The following RABGAP1L variants were observed in gnomAD, a reference collection of about 807,000 sequenced individuals.
RABGAP1L encodes the protein rab GTPase-activating protein 1-like.
RABGAP1L carries 63 observed loss-of-function variants against 137.7 expected under a neutral mutation model. The observed-to-expected ratio is 0.46, with a 90% CI of 0.37 to 0.56. The LOEUF (loss-of-function observed/expected upper bound fraction) is 0.56. RABGAP1L is among the 20% of genes least tolerant of loss of function. The pLI, the probability that RABGAP1L is intolerant of heterozygous loss-of-function variation, is 0.00. For synonymous variants in RABGAP1L, 431 were observed against 433.7 expected (o/e 0.99, Z 0.08); for missense variants, 1,095 against 1,244.0 (o/e 0.88, Z 1.80).
chr1:174,852,453 G>A (rs1210401235), intron 19 of RABGAP1L, among the ~76,000 whole-genome samples: 3 of 152,144 alleles, frequency 2.0e-5, no homozygotes, highest in African/African-American at 7.2e-5. Flanking sequence ...CTTGTTGTAA[G>A]CCTGCTGAGG....
chr1:174,974,243 G>A (rs1382516171), intron 21 of RABGAP1L, among the ~76,000 whole-genome samples: 1 of 151,968 alleles, frequency 6.6e-6, no homozygotes, highest in Non-Finnish European at 1.5e-5. Context: ...GCCTGCCTCG[G>A]CCTCCCAGGG....
chr1:174,410,483 A>G (rs1246956420), intron 13 of RABGAP1L, among the ~76,000 whole-genome samples: 1 of 152,084 alleles, frequency 6.6e-6, no homozygotes, highest in Non-Finnish European at 1.5e-5. Flanking sequence ...AAGTCTTTTC[A>G]CCATTTATTG....
At chr1:174,311,753 T>C (rs1040336944) in intron 11 of RABGAP1L, among the ~76,000 whole-genome samples, 1 of 152,140 alleles carries the variant, frequency 6.6e-6, no homozygotes, top group Non-Finnish European at 1.5e-5. Context: ...ATTATGGGTG[T>C]CCAGCACCAT....
rs779545063 is a variant in RABGAP1L, at chr1:174,250,638, G to A, written c.875+6G>A. 2.5e-6 allele frequency: 4 copies of A among 1,609,854 alleles called. No homozygotes were observed. Among genetic ancestry groups the A allele is most frequent in the Middle Eastern group, 1.7e-4 (1 of 6,030 alleles). Reference sequence around the variant, plus strand: ...GATGGAAAAGGAAACTTTAGGTGAGGCATTTGGAAAGATTAAAAATTCGCA... The same window carrying A: ...GATGGAAAAGGAAACTTTAGGTGAGACATTTGGAAAGATTAAAAATTCGCA... On this transcript the variant is annotated splice_donor_region_variant and intron_variant, in intron 6 of 25. Transcript: ENST00000681986.
chr1:174,198,142 A>G (rs997352243), intron 1 of RABGAP1L, among the ~76,000 whole-genome samples: 1 of 152,186 alleles, frequency 6.6e-6, no homozygotes, highest in African/African-American at 2.4e-5. Flanking sequence ...ATATATAGTG[A>G]TTATTATAGT....
At chr1:174,874,509 A>C (rs974319610) in intron 19 of RABGAP1L, 1 of 982,898 alleles carries the variant, frequency 1.0e-6, no homozygotes, top group African/African-American at 1.8e-5. Flanking sequence ...TTCTCCTGGT[A>C]AGTTTTAGCT....
intron 17 of RABGAP1L, among the ~76,000 whole-genome samples, chr1:174,734,739 G>A (rs921045406): frequency 2.2e-4 from 34 of 152,144 alleles, no homozygotes; most frequent in Admixed American, 2.0e-3. Context: ...GAGTCAACCA[G>A]AGCTGGAGGC....
intron 13 of RABGAP1L, among the ~76,000 whole-genome samples, chr1:174,625,196 T>G (rs1672854806): frequency 6.6e-6 from 1 of 152,044 alleles, no homozygotes; most frequent in African/African-American, 2.4e-5. Flanking sequence ...TTTATATTAC[T>G]TTTTACTAAC....
intron 11 of RABGAP1L, among the ~76,000 whole-genome samples, chr1:174,362,378 A>G (rs1406327267): frequency 6.6e-6 from 1 of 152,230 alleles, no homozygotes; most frequent in Non-Finnish European, 1.5e-5. Flanking sequence ...CAAAGGCAGA[A>G]CTAACTTACA....
At chr1:174,946,439 T>C (rs1341418056) in intron 19 of RABGAP1L, among the ~76,000 whole-genome samples, 1 of 152,114 alleles carries the variant, frequency 6.6e-6, no homozygotes, top group East Asian at 1.9e-4. Context: ...CAGGAGTTCA[T>C]AGCCAGCCTG....
intron 19 of RABGAP1L, among the ~76,000 whole-genome samples, chr1:174,900,776 TC>T (rs1273011079): frequency 2.6e-5 from 4 of 152,174 alleles, no homozygotes; most frequent in African/African-American, 9.7e-5. Context: ...TGCATTGGCC[TC>T]CCAAAGTGCT....
At chr1:174,245,196 C>T (rs1672156279) in intron 5 of RABGAP1L, 1 of 152,138 alleles carries the variant, frequency 6.6e-6, no homozygotes, top group Non-Finnish European at 1.5e-5. Flanking sequence ...CCTCAGCTTC[C>T]CAAGTAGTTG....
chr1:174,969,838 C>T (rs1441180965), intron 21 of RABGAP1L, among the ~76,000 whole-genome samples: 1 of 152,202 alleles, frequency 6.6e-6, no homozygotes, highest in South Asian at 2.1e-4. Flanking sequence ...TGGCTGAGAG[C>T]CAGACTGCCT....
chr1:174,534,796 A>G lies in RABGAP1L; in HGVS notation c.1711-102579A>G, dbSNP rs1225391503. Reference sequence around the variant, plus strand: ...TCTCCAAAAAAAAAAAAAAAAAAAAAAAAAAAAATAATTAGAATAGTATGC... The same window carrying G: ...TCTCCAAAAAAAAAAAAAAAAAAAAGAAAAAAAATAATTAGAATAGTATGC... On this transcript the variant is annotated intron_variant, in intron 13 of 25. Coordinates refer to ENST00000681986, the MANE Select transcript of RABGAP1L (RefSeq NM_001366446.1). Among the ~76,000 whole-genome samples the G allele has an allele frequency of 5.4e-4, 81 of 150,546 alleles. 2 individuals are homozygous for G. Among genetic ancestry groups the G allele is most frequent in the East Asian group, 4.9e-3 (25 of 5,134 alleles).
At chr1:174,896,761 A>C (rs1241720320) in intron 19 of RABGAP1L, among the ~76,000 whole-genome samples, 2 of 152,110 alleles carry the variant, frequency 1.3e-5, no homozygotes, top group East Asian at 1.9e-4. Context: ...GATGTGTGGT[A>C]TTATTTCTGA....
At chr1:174,191,676 T>A (rs1256530440) in intron 1 of RABGAP1L, among the ~76,000 whole-genome samples, 1 of 152,244 alleles carries the variant, frequency 6.6e-6, no homozygotes, top group Non-Finnish European at 1.5e-5. Flanking sequence ...TCTTCTTGGC[T>A]TTAACCCAGG....
At chr1:174,522,913 C>T (rs957568866) in intron 13 of RABGAP1L, among the ~76,000 whole-genome samples, 2 of 152,178 alleles carry the variant, frequency 1.3e-5, no homozygotes, top group Non-Finnish European at 2.9e-5. Flanking sequence ...TCCATCACCT[C>T]CCACCTAAGC....
intron 19 of RABGAP1L, among the ~76,000 whole-genome samples, chr1:174,919,200 TAG>T (rs1661411057): frequency 6.6e-6 from 1 of 152,122 alleles, no homozygotes; most frequent in Non-Finnish European, 1.5e-5. Flanking sequence ...GTATTTTTAG[TAG>T]AGACGGGGTT....
chr1:174,548,006 A>G (rs1285698908), intron 13 of RABGAP1L: 3 of 1,550,450 alleles, frequency 1.9e-6, no homozygotes, highest in Non-Finnish European at 2.6e-6. Flanking sequence ...CCTGAATTGT[A>G]CAAATATGTC....
Sources: gnomAD v4.1 joint callset for allele counts (sites outside exome capture counted in the v4.1 genomes callset) on GRCh38, gnomAD v4.1.1 for gene constraint, MANE v1.5 for transcripts, NCBI Gene and HGNC (gene_info 2026-07-23, HGNC 2026-07-21) for gene names.